Variants in CDC42BPB observed in about 807,000 individuals in gnomAD.
CDC42BPB encodes the protein serine/threonine-protein kinase MRCK beta.
CDC42BPB carries 37 observed loss-of-function variants against 214.9 expected under a neutral mutation model. The ratio of observed to expected loss-of-function variants is 0.17; its 90% CI spans 0.13 to 0.23. The LOEUF is 0.23. Ranked by LOEUF, CDC42BPB falls within the 10% of genes least tolerant of loss-of-function variation. The pLI is 1.00. For missense variants in CDC42BPB, 1,694 were observed against 2,227.0 expected, an observed-to-expected ratio of 0.76 and a Z score of 4.82; for synonymous variants, 931 against 884.0, an observed-to-expected ratio of 1.05 and a Z score of -0.94.
rs574801731 is a variant in CDC42BPB, at chr14:103,039,722, C to T, written c.175+17277G>A. ...AGATCAGAAGAAAGACAAGAATGTC[C>T]CTAGTGCTGTTTCTACCCTACACTG... is the stretch of plus-strand genomic sequence containing the variant. On this transcript the variant is annotated intron_variant, in intron 1 of 36. Transcript: ENST00000361246. Among the ~76,000 whole-genome samples, 8 of 152,166 alleles carry T rather than the reference C, an allele frequency of 5.3e-5. No homozygotes were observed. The South Asian group carries it at 1.5e-3, about 28-fold the overall frequency.
At chr14:102,961,281 T>C (rs1892945694) in intron 20 of CDC42BPB, among the ~76,000 whole-genome samples, 1 of 151,232 alleles carries the variant, frequency 6.6e-6, no homozygotes, top group Non-Finnish European at 1.5e-5. Context: ...TATTTATGAC[T>C]CAAAAAAGGA....
chr14:102,991,174 T>C (rs897658702), intron 5 of CDC42BPB, among the ~76,000 whole-genome samples: 5 of 152,234 alleles, frequency 3.3e-5, no homozygotes, highest in African/African-American at 7.2e-5. Context: ...GATGGGTTTA[T>C]CACCACCAAG....
In CDC42BPB at chr14:102,983,760, AG is replaced by A. The variant is rs1357114095; in HGVS notation, c.691-5del. Reference sequence around the variant, plus strand: ...CCACGGCCACGGAGGACTGCACCTTAGGGGAGAAGGAGGTGCTGAAGGAAAC... The same window carrying A: ...CCACGGCCACGGAGGACTGCACCTTAGGGAGAAGGAGGTGCTGAAGGAAAC... On this transcript the variant is annotated splice_polypyrimidine_tract_variant and splice_region_variant and intron_variant, in intron 6 of 36. Transcript: ENST00000361246. 1.2e-6 allele frequency: 2 copies of A among 1,611,464 alleles called. No individual in the cohort carries two copies. Among genetic ancestry groups the A allele is most frequent in the African/African-American group, 2.7e-5 (2 of 74,932 alleles).
At chr14:102,940,628 G>A (rs561264205) in intron 30 of CDC42BPB, 1 of 523,438 alleles carries the variant, frequency 1.9e-6, no homozygotes, top group South Asian at 2.4e-5. Flanking sequence ...GCTCTCATGA[G>A]ATGTGATTAT....
chr14:103,012,734 G>A (rs150243099), intron 1 of CDC42BPB, among the ~76,000 whole-genome samples: 174 of 152,252 alleles, frequency 1.1e-3, no homozygotes, highest in African/African-American at 4.1e-3. Flanking sequence ...GAACCTAGGC[G>A]CCGGAGGTTA....
At chr14:102,991,844 T>C (rs910006871) in intron 5 of CDC42BPB, among the ~76,000 whole-genome samples, 3 of 152,244 alleles carry the variant, frequency 2.0e-5, no homozygotes, top group African/African-American at 4.8e-5. Context: ...ACATGTAATA[T>C]GATTCCATAT....
At chr14:103,000,503 A>G (rs1290227599) in intron 4 of CDC42BPB, among the ~76,000 whole-genome samples, 3 of 152,264 alleles carry the variant, frequency 2.0e-5, no homozygotes, top group African/African-American at 4.8e-5. Flanking sequence ...CATCACAGCC[A>G]GAGTCAGGGT....
rs149664930 is a variant in CDC42BPB at position 102,960,945 on chromosome 14, G to A, written c.2822-1235C>T. ...GAGACACGGCAGTCAGATTGCTTGAGTCCAGGAGTTCAAGACCAGCCTGGG... is the reference window on the plus strand; with the variant it reads ...GAGACACGGCAGTCAGATTGCTTGAATCCAGGAGTTCAAGACCAGCCTGGG... On this transcript the variant is annotated intron_variant, in intron 20 of 36. Coordinates refer to ENST00000361246, the MANE Select transcript of CDC42BPB (RefSeq NM_006035.4). Among the ~76,000 whole-genome samples, 37 of 152,178 alleles carry A rather than the reference G, an allele frequency of 2.4e-4. 1 individual carries two copies. Among genetic ancestry groups the A allele is most frequent in the African/African-American group, 8.7e-4 (36 of 41,524 alleles).
rs866821586 is a variant in CDC42BPB, at chr14:102,983,527, A to C, written c.891+29T>G. The C allele has an allele frequency of 2.6e-5, 5 of 192,840 alleles. No individual in the cohort carries two copies. In the South Asian group the frequency reaches 2.7e-4, roughly 10 times the overall value. The allele number at this position is 192,840 out of a possible 1,614,324, so 11.9% of individuals were successfully genotyped here. A position where few individuals can be genotyped will look rare whatever the true frequency, so the allele number is the denominator to read the frequency against. ...GTACTTTAGGCCTGAGCCAGGTACC[A>C]AAAAAAAAAAAAAAATGCAACGTCT... On this transcript the variant is annotated intron_variant, in intron 7 of 36. Coordinates refer to ENST00000361246, the MANE Select transcript of CDC42BPB (RefSeq NM_006035.4).
chr14:102,986,624 A>C (rs377435975), intron 5 of CDC42BPB, 44 bp from the exon 6 acceptor site: 1 of 1,599,360 alleles, frequency 6.3e-7, no homozygotes, highest in Admixed American at 1.7e-5. Flanking sequence ...TCCATGCAAC[A>C]CATTAGGTAG....
chr14:102,945,139 G>A (rs1566844695), intron 29 of CDC42BPB: 1 of 423,172 alleles, frequency 2.4e-6, no homozygotes, highest in East Asian at 7.3e-5. Context: ...CACATGCAGA[G>A]ATGCTGGGTC....
At chr14:103,052,780 G>A (rs867129022) in intron 1 of CDC42BPB, among the ~76,000 whole-genome samples, 6 of 152,212 alleles carry the variant, frequency 3.9e-5, no homozygotes, top group Admixed American at 2.6e-4. Flanking sequence ...CGGCCACACA[G>A]CAGCCAGGGC....
intron 1 of CDC42BPB, among the ~76,000 whole-genome samples, chr14:103,024,564 A>G (rs1326612141): frequency 2.0e-5 from 3 of 152,256 alleles, no homozygotes; most frequent in African/African-American, 7.2e-5. Context: ...AACTATTCGT[A>G]ACATCCACCA....
intron 23 of CDC42BPB, 107 bp from the exon 24 acceptor site, chr14:102,952,710 G>A (rs891193171): frequency 6.7e-7 from 1 of 1,492,882 alleles, no homozygotes; most frequent in South Asian, 1.3e-5. Context: ...ATCCTGAAAA[G>A]GTGGAAATGT....
intron 1 of CDC42BPB, among the ~76,000 whole-genome samples, chr14:103,038,805 C>T (rs1316169046): frequency 6.6e-6 from 1 of 150,778 alleles, no homozygotes; most frequent in Non-Finnish European, 1.5e-5. Context: ...TCCCAAAGTA[C>T]TGGGATTACA....
rs1038317922 is a variant in CDC42BPB, at chr14:103,042,578, A to G, written c.175+14421T>C. 3.3e-5 allele frequency among the ~76,000 whole-genome samples: 5 copies of G among 152,166 alleles called. No individual in the cohort carries two copies. In the East Asian group the frequency reaches 9.6e-4, roughly 29 times the overall value. On this transcript the variant is annotated intron_variant, in intron 1 of 36. Transcript: ENST00000361246. ...GCCCGCCTCGGCCTCCCAAAGTGCT[A>G]GGATTACAGGCGTGAGCCACTATGC...
intron 34 of CDC42BPB, 41 bp from the exon 35 acceptor site, chr14:102,938,452 C>G: frequency 6.6e-7 from 1 of 1,506,812 alleles, no homozygotes; most frequent in African/African-American, 1.4e-5. Context: ...TTGGTTGACA[C>G]CCGGCAGGGC....
Position 103,000,849 on chromosome 14 carries a change from C to A in CDC42BPB, c.448-1136G>T, listed in dbSNP as rs560675782. On this transcript the variant is annotated intron_variant, in intron 4 of 36. Transcript: ENST00000361246. The stretch of plus-strand genomic sequence containing the variant: ...CTTGCCTCTGGCACCAAGACCCCAT[C>A]GACACGGGAGGCTTGGGGATGGGCC... 1.1e-4 allele frequency among the ~76,000 whole-genome samples: 16 copies of A among 152,292 alleles called. No homozygotes were observed. The South Asian group carries it at 3.1e-3, about 30-fold the overall frequency.
At chr14:102,940,822 A>G (rs189387637) in intron 30 of CDC42BPB, 2 of 212,058 alleles carry the variant, frequency 9.4e-6, no homozygotes, top group African/African-American at 4.5e-5. Context: ...CTCCACACTA[A>G]TGACCCTAGA....
Sources: allele counts gnomAD v4.1 joint callset (sites outside exome capture counted in the v4.1 genomes callset), GRCh38; gene constraint gnomAD v4.1.1; transcripts MANE v1.5; gene names NCBI Gene and HGNC (gene_info 2026-07-23, HGNC 2026-07-21).